Variants in CNTN6 observed in about 807,000 individuals in gnomAD.
The protein encoded by CNTN6 is contactin-6.
A neutral mutation model predicts 122.8 loss-of-function variants in CNTN6; 137 were observed. The ratio of observed to expected loss-of-function variants is 1.12; its 90% confidence interval spans 0.97 to 1.29. CNTN6 has a LOEUF of 1.29. Ranked by LOEUF, CNTN6 falls within the 50% of genes most tolerant of loss-of-function variation. CNTN6 has a pLI of 0.00. For synonymous variants in CNTN6, 570 were observed against 426.0 expected (o/e 1.34, Z -4.16); for missense variants, 1,634 against 1,223.4 (o/e 1.34, Z -5.01).
chr3:1,233,492 T>G (rs190443135), intron 4 of CNTN6, among the ~76,000 whole-genome samples: 214 of 152,112 alleles, frequency 1.4e-3, no homozygotes, highest in African/African-American at 4.9e-3. Flanking sequence ...TCCCAGCACT[T>G]TGGGAGGCCG....
chr3:1,383,554 GGTA>G, intron 19 of CNTN6, 146 bp downstream of exon 19: 1 of 627,202 alleles, frequency 1.6e-6, no homozygotes, highest in Non-Finnish European at 2.8e-6. Context: ...GTTGAGACAG[GGTA>G]GGTGAGCCCC....
chr3:1,181,434 T>G (rs1429122987), intron 2 of CNTN6, among the ~76,000 whole-genome samples: 7 of 152,120 alleles, frequency 4.6e-5, no homozygotes, highest in Admixed American at 1.3e-4. Flanking sequence ...ATCTTAGGGG[T>G]TTTTTTGTTA....
At chr3:1,167,050 A>G (rs2093266561) in intron 2 of CNTN6, among the ~76,000 whole-genome samples, 1 of 146,800 alleles carries the variant, frequency 6.8e-6, no homozygotes, top group Non-Finnish European at 1.5e-5. Context: ...TTAAAATTAA[A>G]AAAAAAAAAA....
chr3:1,270,652 A>G lies in CNTN6; in HGVS notation c.359-7761A>G, dbSNP rs566551211. ...GCTTTCAGTGCTAAAACTTCTTCAG[A>G]AGGATTCTCAAAGGGGGGAAATAGT... On this transcript the variant is annotated intron_variant, in intron 4 of 22. Coordinates refer to ENST00000446702, the MANE Select transcript of CNTN6 (RefSeq NM_001289080.2). Among the ~76,000 whole-genome samples the G allele has an allele frequency of 2.2e-3, 336 of 152,344 alleles. 1 individual carries two copies. Among genetic ancestry groups the G allele is most frequent in the Middle Eastern group, 3.4e-3 (1 of 294 alleles).
chr3:1,109,611 A>T (rs1218868241), intron 1 of CNTN6, among the ~76,000 whole-genome samples: 1 of 152,048 alleles, frequency 6.6e-6, no homozygotes, highest in Non-Finnish European at 1.5e-5. Context: ...ATTCTAACTT[A>T]GAACACACAA....
chr3:1,224,541 G>A (rs767021871), intron 3 of CNTN6, among the ~76,000 whole-genome samples: 4 of 151,762 alleles, frequency 2.6e-5, no homozygotes, highest in Non-Finnish European at 4.4e-5. Context: ...CTATAAATAT[G>A]TGCAATCATT....
At chr3:1,379,434 G>A (rs559798482) in intron 17 of CNTN6, among the ~76,000 whole-genome samples, 1 of 152,196 alleles carries the variant, frequency 6.6e-6, no homozygotes, top group African/African-American at 2.4e-5. Flanking sequence ...CGAGAGGAAG[G>A]GCGAGGGTTG....
At chr3:1,367,277 C>T (rs761469286) in intron 12 of CNTN6, among the ~76,000 whole-genome samples, 6 of 152,098 alleles carry the variant, frequency 3.9e-5, no homozygotes, top group East Asian at 1.9e-4. Context: ...AAACTTAGTA[C>T]GCTGTGAACA....
chr3:1,185,506 A>G (rs1248320756), intron 2 of CNTN6, among the ~76,000 whole-genome samples: 1 of 152,178 alleles, frequency 6.6e-6, no homozygotes, highest in East Asian at 1.9e-4. Flanking sequence ...TGGAAGTATG[A>G]AACACTTTGT....
intron 2 of CNTN6, among the ~76,000 whole-genome samples, chr3:1,177,890 C>T (rs1213738629): frequency 7.2e-6 from 1 of 138,584 alleles, no homozygotes; most frequent in Non-Finnish European, 1.5e-5. Flanking sequence ...ACTCCCCCTG[C>T]CCTTTCCATT....
At chr3:1,287,874 T>G (rs1254455940) in intron 5 of CNTN6, among the ~76,000 whole-genome samples, 2 of 152,178 alleles carry the variant, frequency 1.3e-5, no homozygotes, top group African/African-American at 4.8e-5. Context: ...CCCAGAAAAC[T>G]AATGAATGTT....
chr3:1,245,316 A>ATATGT, intron 4 of CNTN6, among the ~76,000 whole-genome samples: 1 of 32,018 alleles, frequency 3.1e-5, no homozygotes, highest in South Asian at 9.1e-4. Context: ...ATATATATAT[A>ATATGT]TATATATATA....
At chr3:1,289,056 A>G (rs192600477) in intron 5 of CNTN6, among the ~76,000 whole-genome samples, 47 of 152,344 alleles carry the variant, frequency 3.1e-4, no homozygotes, top group African/African-American at 8.9e-4. Flanking sequence ...ATAACCGATA[A>G]ATGTCATAGA....
chr3:1,285,587 A>G (rs2125823402), intron 5 of CNTN6, among the ~76,000 whole-genome samples: 1 of 152,316 alleles, frequency 6.6e-6, no homozygotes, highest in Non-Finnish European at 1.5e-5. Flanking sequence ...CAATACTTCA[A>G]CGCATTTAAC....
intron 20 of CNTN6, among the ~76,000 whole-genome samples, chr3:1,389,311 T>A (rs570384660): frequency 2.7e-4 from 41 of 152,146 alleles, no homozygotes; most frequent in African/African-American, 9.6e-4. Context: ...CCAGCCAAAC[T>A]AAGCTTCATA....
chr3:1,304,804 C>G (rs941725259), intron 7 of CNTN6, among the ~76,000 whole-genome samples: 3 of 151,578 alleles, frequency 2.0e-5, no homozygotes, highest in Non-Finnish European at 4.4e-5. Context: ...CCAGCCTGGC[C>G]AAGAAGGTGA....
chr3:1,287,122 G>T (rs1694481630), intron 5 of CNTN6, among the ~76,000 whole-genome samples: 1 of 151,968 alleles, frequency 6.6e-6, no homozygotes, highest in African/African-American at 2.4e-5. Context: ...AATAATAGTG[G>T]GAGACTTTAA....
rs1263848436 is a variant in CNTN6 at position 1,383,121 on chromosome 3, T to C, written c.2346T>C (p.Asn782=). 2 of 1,613,936 alleles carry C rather than the reference T, an allele frequency of 1.2e-6. No homozygotes were observed. The highest frequency in any genetic ancestry group is 1.6e-4 in the Middle Eastern group (1 of 6,084). ...TTGAAGTCAAAGTGGGTGTGTATAATAATGAAGGAGAAGGATCCCTGAGTA... is the reference window on the plus strand; with the variant it reads ...TTGAAGTCAAAGTGGGTGTGTATAACAATGAAGGAGAAGGATCCCTGAGTA... ...SPFEVKVGVY[N]NEGEGSLSTV... is the part of the protein sequence containing the mutation. Residue 782 remains asparagine (N), a synonymous_variant, in exon 18 of 23, where the codon AAT becomes AAC. Transcript: ENST00000446702.
intron 16 of CNTN6, among the ~76,000 whole-genome samples, chr3:1,375,189 G>A (rs1459860738): frequency 2.0e-5 from 3 of 152,070 alleles, no homozygotes; most frequent in Non-Finnish European, 4.4e-5. Flanking sequence ...CATGACTCTG[G>A]ATATGAGCTT....
Sources: allele counts gnomAD v4.1 joint callset (sites outside exome capture counted in the v4.1 genomes callset), GRCh38; gene constraint gnomAD v4.1.1; transcripts MANE v1.5; gene names NCBI Gene and HGNC (gene_info 2026-07-23, HGNC 2026-07-21).